Variants in MGAT5 observed in about 807,000 individuals in gnomAD.
The protein encoded by MGAT5 is alpha-1,6-mannosylglycoprotein 6-beta-N-acetylglucosaminyltransferase.
MGAT5 carries 30 observed loss-of-function variants against 94.3 expected under a neutral mutation model. That is an observed-to-expected ratio of 0.32 (90% CI 0.24 to 0.43). MGAT5 has a LOEUF of 0.43. Ranked by LOEUF, MGAT5 falls within the 20% of genes least tolerant of loss-of-function variation. The pLI, the probability that MGAT5 is intolerant of heterozygous loss-of-function variation, is 1.00. For synonymous variants in MGAT5, 310 were observed against 322.9 expected, an observed-to-expected ratio of 0.96 and a Z score of 0.43; for missense variants, 691 against 905.5, an observed-to-expected ratio of 0.76 and a Z score of 3.04.
intron 1 of MGAT5, among the ~76,000 whole-genome samples, chr2:134,227,010 A>G (rs1292475626): frequency 7.2e-6 from 1 of 139,320 alleles, no homozygotes; most frequent in Non-Finnish European, 1.6e-5. Flanking sequence ...TCAGATTTTT[A>G]TGTGAAATCT....
intron 2 of MGAT5, among the ~76,000 whole-genome samples, chr2:134,306,029 CT>C (rs1202998864): frequency 1.3e-5 from 2 of 151,854 alleles, no homozygotes; most frequent in African/African-American, 4.8e-5. Flanking sequence ...TGTATAGAAA[CT>C]TTTTTTTCTG....
chr2:134,271,305 AG>A (rs2105641153), intron 2 of MGAT5, among the ~76,000 whole-genome samples: 1 of 150,696 alleles, frequency 6.6e-6, no homozygotes, highest in Admixed American at 6.6e-5. Context: ...TGCTCTTGTT[AG>A]GGTGACCACG....
intron 1 of MGAT5, among the ~76,000 whole-genome samples, chr2:134,235,032 C>T (rs547444387): frequency 3.9e-4 from 59 of 151,970 alleles, no homozygotes; most frequent in Non-Finnish European, 7.4e-4. Flanking sequence ...TAAGAATACA[C>T]AGATTTGACC....
chr2:134,185,528 A>C (rs1688964488), intron 1 of MGAT5, among the ~76,000 whole-genome samples: 1 of 152,160 alleles, frequency 6.6e-6, no homozygotes, highest in Non-Finnish European at 1.5e-5. Context: ...TTTTTACGTG[A>C]TTACTGTGCA....
chr2:134,407,627 G>A (rs948511785), intron 11 of MGAT5, among the ~76,000 whole-genome samples: 3 of 152,218 alleles, frequency 2.0e-5, no homozygotes, highest in Admixed American at 6.5e-5. Context: ...ATATATTCTA[G>A]GCCTTAGTCT....
intron 1 of MGAT5, among the ~76,000 whole-genome samples, chr2:134,139,761 A>G (rs1049778745): frequency 1.4e-4 from 22 of 152,198 alleles, no homozygotes; most frequent in African/African-American, 5.1e-4. Context: ...AGACTGTAAA[A>G]CAGCCCTGCT....
At chr2:134,161,515 G>A (rs1687732333) in intron 1 of MGAT5, among the ~76,000 whole-genome samples, 1 of 152,206 alleles carries the variant, frequency 6.6e-6, no homozygotes, top group Admixed American at 6.5e-5. Flanking sequence ...GCTGGCAGGA[G>A]GCAGAAGCCT....
At chr2:134,328,540 G>A (rs752396001) in intron 4 of MGAT5, among the ~76,000 whole-genome samples, 12 of 152,076 alleles carry the variant, frequency 7.9e-5, no homozygotes, top group Non-Finnish European at 1.5e-4. Flanking sequence ...GTAAAGCGCC[G>A]CGTAAGTGGA....
In MGAT5 at chr2:134,438,615, C is replaced by A. The variant is rs563380432; in HGVS notation, c.1870-3143C>A. 1.8e-4 allele frequency among the ~76,000 whole-genome samples: 28 copies of A among 152,362 alleles called. No individual in the cohort carries two copies. The South Asian group carries it at 5.8e-3, about 32-fold the overall frequency. Reference sequence around the variant, plus strand: ...CCATTCAGGGTCTCACAGGTCTGTACAGTCATGCTGTCTGCCTTAGTAGCA... The same window carrying A: ...CCATTCAGGGTCTCACAGGTCTGTAAAGTCATGCTGTCTGCCTTAGTAGCA... On this transcript the variant is annotated intron_variant, in intron 14 of 15. Coordinates refer to ENST00000281923, the MANE Select transcript of MGAT5 (RefSeq NM_002410.5).
chr2:134,191,335 T>C (rs138680057), intron 1 of MGAT5, among the ~76,000 whole-genome samples: 49 of 152,368 alleles, frequency 3.2e-4, no homozygotes, highest in Middle Eastern at 6.8e-3. Flanking sequence ...GTGAGAACTT[T>C]AAGAGGTGAT....
At chr2:134,378,803 A>G (rs895706439) in intron 10 of MGAT5, among the ~76,000 whole-genome samples, 1 of 151,912 alleles carries the variant, frequency 6.6e-6, no homozygotes, top group South Asian at 2.1e-4. Context: ...TTTAATAGAG[A>G]TGGGGTTTTG....
At chr2:134,314,431 T>C (rs944166394) in intron 2 of MGAT5, among the ~76,000 whole-genome samples, 7 of 152,176 alleles carry the variant, frequency 4.6e-5, no homozygotes, top group African/African-American at 1.4e-4. Flanking sequence ...GTCAGGCCCG[T>C]TGGGCAGAGG....
intron 2 of MGAT5, among the ~76,000 whole-genome samples, chr2:134,283,817 C>T (rs1013466524): frequency 3.3e-5 from 5 of 151,822 alleles, no homozygotes; most frequent in African/African-American, 1.2e-4. Context: ...AACGATACAG[C>T]TTCCCCCGGC....
intron 1 of MGAT5, among the ~76,000 whole-genome samples, chr2:134,223,878 C>T (rs577394870): frequency 5.3e-5 from 8 of 152,272 alleles, no homozygotes; most frequent in African/African-American, 1.9e-4. Context: ...GTAAAATAAC[C>T]AGTGTCTCCA....
intron 1 of MGAT5, among the ~76,000 whole-genome samples, chr2:134,128,303 G>C (rs1209702308): frequency 6.6e-6 from 1 of 152,176 alleles, no homozygotes; most frequent in Non-Finnish European, 1.5e-5. Flanking sequence ...GGAGTGATCA[G>C]AGAGCTGCAG....
chr2:134,183,809 G>A (rs780118626), intron 1 of MGAT5, among the ~76,000 whole-genome samples: 21 of 152,224 alleles, frequency 1.4e-4, no homozygotes, highest in Admixed American at 1.3e-4. Flanking sequence ...TGAGCAAGGC[G>A]GCCAAGTTTG....
At chr2:134,368,407 G>A (rs369083715) in intron 10 of MGAT5, among the ~76,000 whole-genome samples, 142 of 152,306 alleles carry the variant, frequency 9.3e-4, no homozygotes, top group African/African-American at 3.1e-3. Flanking sequence ...TCCAGCCCTC[G>A]CCTGCCTTGG....
chr2:134,387,328 ATATATTT>A (rs1468512202), intron 10 of MGAT5, among the ~76,000 whole-genome samples: 3 of 40,294 alleles, frequency 7.4e-5, no homozygotes, highest in African/African-American at 1.4e-4. Context: ...ATATATATAT[ATATATTT>A]TTTTTTTTTT....
At chr2:134,429,052 A>G (rs1007490593) in intron 14 of MGAT5, among the ~76,000 whole-genome samples, 24 of 152,214 alleles carry the variant, frequency 1.6e-4, no homozygotes, top group African/African-American at 3.9e-4. Context: ...TTGGACTTCA[A>G]AAGCAACACA....
Sources: allele counts gnomAD v4.1 joint callset (sites outside exome capture counted in the v4.1 genomes callset), GRCh38; gene constraint gnomAD v4.1.1; transcripts MANE v1.5; gene names NCBI Gene and HGNC (gene_info 2026-07-23, HGNC 2026-07-21).